The following EXOC2 variants were observed in gnomAD, a reference collection of about 807,000 sequenced individuals.
EXOC2 encodes exocyst complex component 2.
EXOC2 carries 70 observed loss-of-function variants against 131.8 expected under a neutral mutation model. The observed-to-expected ratio is 0.53, with a 90% CI of 0.44 to 0.65. The LOEUF is 0.65. Ranked by LOEUF, EXOC2 falls within the 30% of genes least tolerant of loss-of-function variation. EXOC2 has a pLI of 0.00. For synonymous variants in EXOC2, 411 were observed against 398.4 expected, an observed-to-expected ratio of 1.03 and a Z score of -0.38; for missense variants, 923 against 1,108.6, an observed-to-expected ratio of 0.83 and a Z score of 2.38.
At chr6:689,925 T>C (rs933712512) in intron 1 of EXOC2, among the ~76,000 whole-genome samples, 4 of 152,200 alleles carry the variant, frequency 2.6e-5, no homozygotes, top group African/African-American at 4.8e-5. Flanking sequence ...ATGTATTCTC[T>C]GAATACACAA....
intron 23 of EXOC2, among the ~76,000 whole-genome samples, chr6:528,673 C>G (rs1301591666): frequency 6.6e-6 from 1 of 151,816 alleles, no homozygotes; most frequent in Non-Finnish European, 1.5e-5. Flanking sequence ...ATAAACGAAG[C>G]TATGTTAAAA....
At position 514,814 on chromosome 6, in the gene EXOC2, C is replaced by A. The variant is rs1291256637; in HGVS notation, c.2381-15114G>T. On this transcript the variant is annotated intron_variant, in intron 23 of 27. Coordinates refer to ENST00000230449, the MANE Select transcript of EXOC2 (RefSeq NM_018303.6). ...CCAGCAGGCAGGCCCTGGGTCAAGC[C>A]CCGTGATGTCCCAGGAGGAGGGGAG... is the stretch of plus-strand genomic sequence containing the variant. 2.0e-5 allele frequency among the ~76,000 whole-genome samples: 3 copies of A among 152,150 alleles called. No homozygotes were observed. The East Asian group carries it at 5.8e-4, about 29-fold the overall frequency.
chr6:517,882 G>A (rs376574173), intron 23 of EXOC2, among the ~76,000 whole-genome samples: 4 of 152,302 alleles, frequency 2.6e-5, no homozygotes, highest in African/African-American at 9.6e-5. Context: ...TATAGAATAT[G>A]AGAAAATCTA....
intron 11 of EXOC2, among the ~76,000 whole-genome samples, chr6:578,210 T>G (rs1436950344): frequency 1.3e-5 from 2 of 152,194 alleles, no homozygotes; most frequent in Non-Finnish European, 2.9e-5. Flanking sequence ...GGAGTTGTTT[T>G]CAGGTGCTAA....
chr6:692,476 T>C (rs541346838), intron 1 of EXOC2, among the ~76,000 whole-genome samples: 108 of 152,324 alleles, frequency 7.1e-4, no homozygotes, highest in African/African-American at 2.5e-3. Context: ...GCCGCTCCCC[T>C]ATCCGTAAAA....
chr6:512,505 CTGTT>C (rs1764910667), intron 23 of EXOC2, among the ~76,000 whole-genome samples: 1 of 152,130 alleles, frequency 6.6e-6, no homozygotes, highest in Admixed American at 6.5e-5. Flanking sequence ...ATGTAACAGA[CTGTT>C]TATGTTATTA....
intron 1 of EXOC2, among the ~76,000 whole-genome samples, chr6:651,356 T>C (rs1268436065): frequency 1.3e-5 from 2 of 152,082 alleles, no homozygotes; most frequent in Admixed American, 6.5e-5. Flanking sequence ...TTATCTTGCA[T>C]TTAAAGTCTA....
intron 23 of EXOC2, among the ~76,000 whole-genome samples, chr6:509,036 A>G (rs1764713047): frequency 6.6e-6 from 1 of 152,236 alleles, no homozygotes; most frequent in South Asian, 2.1e-4. Context: ...CACAATGTGG[A>G]ACATCTTTTC....
At chr6:655,064 G>T (rs1216222405) in intron 1 of EXOC2, among the ~76,000 whole-genome samples, 1 of 152,142 alleles carries the variant, frequency 6.6e-6, no homozygotes, top group Non-Finnish European at 1.5e-5. Context: ...GGACTGTTTT[G>T]AAAGAAGTTC....
intron 23 of EXOC2, among the ~76,000 whole-genome samples, chr6:505,842 GACAA>G (rs1375573798): frequency 5.3e-5 from 8 of 152,356 alleles, no homozygotes; most frequent in Admixed American, 6.5e-5. Flanking sequence ...ATCCGTGAAT[GACAA>G]ACAAAGGAAG....
intron 1 of EXOC2, among the ~76,000 whole-genome samples, chr6:644,435 G>A (rs925554128): frequency 6.6e-6 from 1 of 151,976 alleles, no homozygotes; most frequent in Non-Finnish European, 1.5e-5. Context: ...CCCCCCTTTC[G>A]AACAGTAACA....
intron 2 of EXOC2, among the ~76,000 whole-genome samples, chr6:637,469 G>C (rs79867634): frequency 7.9e-5 from 12 of 152,182 alleles, no homozygotes; most frequent in African/African-American, 2.9e-4. Flanking sequence ...TCTCAGCCCT[G>C]GGAAACCTTC....
intron 1 of EXOC2, among the ~76,000 whole-genome samples, chr6:672,219 T>C (rs547578115): frequency 6.6e-6 from 1 of 152,340 alleles, no homozygotes; most frequent in South Asian, 2.1e-4. Context: ...CCTACTGATG[T>C]GCTCATCAAT....
intron 12 of EXOC2, among the ~76,000 whole-genome samples, chr6:576,245 A>T (rs1267668751): frequency 1.3e-5 from 2 of 152,222 alleles, no homozygotes; most frequent in East Asian, 3.8e-4. Flanking sequence ...CTCAAATAGG[A>T]AAATGGTAAA....
chr6:637,222 G>A (rs1762142980), intron 2 of EXOC2, among the ~76,000 whole-genome samples: 1 of 152,158 alleles, frequency 6.6e-6, no homozygotes. Context: ...AGATCACGAT[G>A]AGGACACATG....
chr6:503,026 C>T (rs928787696), intron 23 of EXOC2, among the ~76,000 whole-genome samples: 4 of 152,152 alleles, frequency 2.6e-5, no homozygotes, highest in Non-Finnish European at 5.9e-5. Flanking sequence ...CGGAGCTCTG[C>T]GAGCTGCCAT....
chr6:578,616 T>C (rs1193807882), intron 11 of EXOC2, among the ~76,000 whole-genome samples: 11 of 152,204 alleles, frequency 7.2e-5, no homozygotes, highest in Admixed American at 7.2e-4. Flanking sequence ...AAATAAATCA[T>C]TTGAACAGAT....
Position 572,614 on chromosome 6 carries a change from G to A in EXOC2, c.1349C>T (p.Ala450Val). ...GAGTTTTGTCAATTTTTCAACAAAG[G>A]CCACCCTGTGGGGAGTTTTGTATCT... ...TWRYKTPHRV[A>V]FVEKLTKLVL... Residue 450 changes from alanine to valine, a missense_variant, in exon 13 of 28, where the codon GCC becomes GTC. By Grantham distance (64) the Ala-to-Val change is moderately conservative (BLOSUM62 0). Transcript: ENST00000230449. 1 of 1,614,076 alleles carries A rather than the reference G, an allele frequency of 6.2e-7. No homozygotes were observed. The highest frequency in any genetic ancestry group is 8.5e-7 in the Non-Finnish European group (1 of 1,180,014).
At chr6:575,588 C>T (rs905490648) in intron 12 of EXOC2, among the ~76,000 whole-genome samples, 2 of 152,170 alleles carry the variant, frequency 1.3e-5, no homozygotes, top group African/African-American at 2.4e-5. Flanking sequence ...CTGGAAGCTT[C>T]CTGAGGCCTC....
Sources: gnomAD v4.1 joint callset for allele counts (sites outside exome capture counted in the v4.1 genomes callset) on GRCh38, gnomAD v4.1.1 for gene constraint, MANE v1.5 for transcripts, NCBI Gene and HGNC (gene_info 2026-07-23, HGNC 2026-07-21) for gene names.